The following YPEL1 variants were observed in gnomAD, a reference collection of about 807,000 sequenced individuals.
The protein encoded by YPEL1 is protein yippee-like 1.
A neutral mutation model predicts 17.3 loss-of-function variants in YPEL1; 7 were observed. The observed-to-expected ratio is 0.40, with a 90% CI of 0.23 to 0.76. YPEL1 has a LOEUF of 0.76. YPEL1 is among the 30% of genes least tolerant of loss of function. The probability of loss-of-function intolerance (pLI) is 0.35; values close to 1 mark genes in which losing one functional copy is unlikely to be tolerated. For missense variants in YPEL1, 91 were observed against 155.5 expected (o/e 0.59, Z 2.21); for synonymous variants, 59 against 59.6 (o/e 0.99, Z 0.05).
At chr22:21,714,839 A>G (rs2068205707) in intron 1 of YPEL1, among the ~76,000 whole-genome samples, 1 of 152,136 alleles carries the variant, frequency 6.6e-6, no homozygotes, top group African/African-American at 2.4e-5. Context: ...ATTTGCTTCA[A>G]CCTGACCATA....
chr22:21,705,795 T>C (rs2068109933), intron 2 of YPEL1, among the ~76,000 whole-genome samples: 1 of 152,000 alleles, frequency 6.6e-6, no homozygotes, highest in African/African-American at 2.4e-5. Context: ...ATTACACCAC[T>C]GCACTCCAGC....
At chr22:21,734,378 G>A (rs1022544059) in intron 1 of YPEL1, among the ~76,000 whole-genome samples, 3 of 152,134 alleles carry the variant, frequency 2.0e-5, no homozygotes, top group African/African-American at 7.2e-5. Context: ...GGGAGCACTG[G>A]GTGTAGGATA....
rs1019216257 is a variant in YPEL1 at position 21,701,935 on chromosome 22, C to T, written c.271-717G>A. Among the ~76,000 whole-genome samples the T allele has an allele frequency of 5.3e-5, 8 of 152,144 alleles. No homozygotes were observed. In the South Asian group the frequency reaches 1.7e-3, roughly 32 times the overall value. On this transcript the variant is annotated intron_variant, in intron 4 of 4. Transcript: ENST00000339468. ...GCTGGGTGTGGTGTGCCTGTAGTCC[C>T]AGGTACTTGGGAGGTTGAGGTGGGA...
At chr22:21,735,512 G>A (rs1423466522) in intron 1 of YPEL1, 103 bp downstream of exon 1, 1 of 151,954 alleles carries the variant, frequency 6.6e-6, no homozygotes, top group East Asian at 1.9e-4. Context: ...CGCCCGCCCG[G>A]ACGCCCAACA....
intron 1 of YPEL1, among the ~76,000 whole-genome samples, chr22:21,711,982 T>G (rs995495150): frequency 6.6e-6 from 1 of 152,020 alleles, no homozygotes; most frequent in African/African-American, 2.4e-5. Flanking sequence ...AAAACCAGCC[T>G]GGGCAACAAA....
At chr22:21,710,511 C>T (rs951035947) in intron 2 of YPEL1, 117 bp downstream of exon 2, 11 of 898,838 alleles carry the variant, frequency 1.2e-5, no homozygotes, top group Admixed American at 3.5e-5. Flanking sequence ...AGGCTCTAGA[C>T]GTTCAGGACA....
In YPEL1 at chr22:21,726,443, C is replaced by G. The variant is rs2148613720; in HGVS notation, c.-165+9172G>C. 2.6e-5 allele frequency among the ~76,000 whole-genome samples: 4 copies of G among 152,310 alleles called. No homozygotes were observed. In the Middle Eastern group the frequency reaches 0.01, roughly 389 times the overall value. ...GGCATCCCTGCCCGCTAGCGGCCAC[C>G]ACAGTCCCACAGGCGGGTACTCAAT... On this transcript the variant is annotated intron_variant, in intron 1 of 4. Coordinates refer to ENST00000339468, the MANE Select transcript of YPEL1 (RefSeq NM_013313.5).
intron 1 of YPEL1, among the ~76,000 whole-genome samples, chr22:21,722,388 C>G (rs572796819): frequency 1.3e-5 from 2 of 152,286 alleles, no homozygotes; most frequent in East Asian, 1.9e-4. Flanking sequence ...TGCACTCCAG[C>G]CTGGGCAACA....
intron 1 of YPEL1, among the ~76,000 whole-genome samples, chr22:21,726,973 T>C (rs1279051475): frequency 1.3e-5 from 2 of 152,188 alleles, no homozygotes; most frequent in Admixed American, 1.3e-4. Flanking sequence ...AAAAGCCTTG[T>C]TTCCAACCAA....
At chr22:21,704,233 T>C (rs2068095320) in intron 2 of YPEL1, 1 of 712,622 alleles carries the variant, frequency 1.4e-6, no homozygotes, top group African/African-American at 1.7e-5. Context: ...TGATTTTCTC[T>C]ACCCGAAAAC....
chr22:21,723,709 G>A (rs950093625), intron 1 of YPEL1, among the ~76,000 whole-genome samples: 8 of 136,936 alleles, frequency 5.8e-5, no homozygotes, highest in South Asian at 2.3e-4. Context: ...TTTTTGAGAC[G>A]GAGTCTCATT....
intron 1 of YPEL1, among the ~76,000 whole-genome samples, chr22:21,732,895 G>C (rs764143118): frequency 2.0e-5 from 3 of 152,096 alleles, no homozygotes; most frequent in Non-Finnish European, 4.4e-5. Context: ...GAGGCCAGGA[G>C]TTTGAGATCA....
At chr22:21,715,730 T>C (rs1301031704) in intron 1 of YPEL1, among the ~76,000 whole-genome samples, 15 of 114,624 alleles carry the variant, frequency 1.3e-4, no homozygotes, top group South Asian at 8.4e-4. Flanking sequence ...TACTGGCACG[T>C]GCCACCACAC....
At chr22:21,717,243 GTGT>G (rs1194016317) in intron 1 of YPEL1, among the ~76,000 whole-genome samples, 2 of 152,076 alleles carry the variant, frequency 1.3e-5, no homozygotes, top group African/African-American at 2.4e-5. Context: ...GGGCGTGGTG[GTGT>G]CTGCCTGTAG....
intron 1 of YPEL1, among the ~76,000 whole-genome samples, chr22:21,721,378 A>C (rs1211104200): frequency 1.3e-5 from 2 of 151,764 alleles, no homozygotes; most frequent in Admixed American, 1.3e-4. Context: ...GCAGCCTCCC[A>C]AAGTGCTGAG....
At position 21,703,719 on chromosome 22, in the gene YPEL1, T is replaced by A; in HGVS notation, c.161+120A>T. On this transcript the variant is annotated intron_variant, in intron 3 of 4. Transcript: ENST00000339468. The surrounding 1 kb of genome is among the most constrained non-coding windows in gnomAD (Gnocchi z 6.1). Reference sequence around the variant, plus strand: ...GTTTCAGAAACTCCCGGCGGGGGGATGGTGGGTTCTTTCAGGACCCCTAAA... The same window carrying A: ...GTTTCAGAAACTCCCGGCGGGGGGAAGGTGGGTTCTTTCAGGACCCCTAAA... 1.0e-6 allele frequency: 1 copy of A among 976,430 alleles called. No homozygotes were observed. The allele number at this position is 976,430 out of a possible 1,614,324, so 60.5% of individuals were successfully genotyped here.
intron 1 of YPEL1, among the ~76,000 whole-genome samples, chr22:21,717,217 A>G (rs1389552650): frequency 6.6e-6 from 1 of 152,046 alleles, no homozygotes; most frequent in Admixed American, 6.6e-5. Flanking sequence ...CTCTACTAAA[A>G]ATACAAAAAT....
chr22:21,715,902 A>G (rs2068219217), intron 1 of YPEL1, among the ~76,000 whole-genome samples: 1 of 152,010 alleles, frequency 6.6e-6, no homozygotes, highest in South Asian at 2.1e-4. Flanking sequence ...CACTGGGATT[A>G]CAGGCATGCG....
rs189544331 is a variant in YPEL1, at chr22:21,708,381, G to T, written c.117+2247C>A. On this transcript the variant is annotated intron_variant, in intron 2 of 4. Transcript: ENST00000339468. ...GACAGAGTCTTACTCTGTCACCCAG[G>T]CTGGAGTGCAGTGGTGTGATCTCAG... Among the ~76,000 whole-genome samples, 41 of 143,174 alleles carry T rather than the reference G, an allele frequency of 2.9e-4. No individual in the cohort carries two copies. The East Asian group carries it at 7.6e-3, about 26-fold the overall frequency. 93.9% of individuals were successfully genotyped at this position (143,174 alleles called of 152,430 possible). A position where few individuals can be genotyped will look rare whatever the true frequency, so the allele number is the denominator to read the frequency against.
Sources: gnomAD v4.1 joint callset for allele counts (sites outside exome capture counted in the v4.1 genomes callset) on GRCh38, gnomAD v4.1.1 for gene constraint, Gnocchi (gnomAD v3.1) non-coding constraint, MANE v1.5 for transcripts, NCBI Gene and HGNC (gene_info 2026-07-23, HGNC 2026-07-21) for gene names.